The following KLHL4 variants were observed in gnomAD, a reference collection of about 807,000 sequenced individuals.
KLHL4 encodes the protein kelch-like protein 4.
Under a neutral mutation model 45.8 loss-of-function variants are expected in KLHL4, and 17 were observed. The ratio of observed to expected loss-of-function variants is 0.37; its 90% CI spans 0.25 to 0.56. The LOEUF is 0.56. Among genes scored for constraint, KLHL4 ranks in the 20% least tolerant of loss-of-function variants. The pLI, the probability that KLHL4 is intolerant of heterozygous loss-of-function variation, is 0.79. For missense variants in KLHL4, 544 were observed against 544.9 expected (o/e 1.00, Z 0.02); for synonymous variants, 224 against 189.9 (o/e 1.18, Z -1.47).
At chrX:87,573,256 G>T (rs1920996269) in intron 1 of KLHL4, among the ~76,000 whole-genome samples, 1 of 111,239 alleles carries the variant, frequency 9.0e-6, no homozygotes, top group African/African-American at 3.3e-5. Context: ...TACTCCCAGA[G>T]ATTCTAATTC....
intron 4 of KLHL4, 140 bp from the exon 5 acceptor site, chrX:87,622,071 G>T (rs1922768727): frequency 2.2e-6 from 1 of 455,065 alleles, no homozygotes; most frequent in African/African-American, 2.5e-5. Context: ...CAGGTAGCAG[G>T]AGCACCTATT....
Position 87,666,864 on chromosome X carries a change from C to A in KLHL4, c.*330C>A. On this transcript the variant is annotated 3_prime_UTR_variant, in exon 11 of 11. Transcript: ENST00000373119. ...GGCCACAGTGTGCAGGTTATAAAAG[C>A]ATTAATACATTTCAAGGTAAGAGCC... 1.3e-6 allele frequency: 1 copy of A among 746,125 alleles called. No homozygotes were observed. Among genetic ancestry groups the A allele is most frequent in the South Asian group, 7.0e-5 (1 of 14,365 alleles). 61.5% of individuals were successfully genotyped at this position (746,125 alleles called of 1,213,427 possible).
intron 1 of KLHL4, among the ~76,000 whole-genome samples, chrX:87,590,309 C>A: frequency 9.1e-6 from 1 of 109,405 alleles, no homozygotes; most frequent in Admixed American, 9.9e-5. Context: ...CCAAACCCCC[C>A]CAGAAAACGA....
At chrX:87,556,089 T>G (rs1341867211) in intron 1 of KLHL4, among the ~76,000 whole-genome samples, 2 of 111,283 alleles carry the variant, frequency 1.8e-5, no homozygotes, top group Non-Finnish European at 3.8e-5. Context: ...AGAGACAGTT[T>G]GTTATAATTT....
intron 4 of KLHL4, among the ~76,000 whole-genome samples, chrX:87,620,908 A>G (rs1381601902): frequency 8.9e-6 from 1 of 112,658 alleles, no homozygotes; most frequent in Non-Finnish European, 1.9e-5. Flanking sequence ...TAGTTGCACT[A>G]CTATCACCAT....
intron 1 of KLHL4, among the ~76,000 whole-genome samples, chrX:87,582,193 A>G (rs557757334): frequency 5.3e-4 from 59 of 112,037 alleles, no homozygotes; most frequent in African/African-American, 1.9e-3. Flanking sequence ...GTTAATAAGT[A>G]TCTACATAGA....
chrX:87,667,906 G>A lies in KLHL4; in HGVS notation c.*1372G>A. On this transcript the variant is annotated 3_prime_UTR_variant, in exon 11 of 11. Coordinates refer to ENST00000373119, the MANE Select transcript of KLHL4 (RefSeq NM_019117.5). ...AAAGATATTTGTACTTTGACAAACT[G>A]AATTTAAATAAACTTTATTTCCTCT... is the stretch of plus-strand genomic sequence containing the variant. 1.5e-6 allele frequency: 1 copy of A among 687,465 alleles called. No homozygotes were observed. The highest frequency in any genetic ancestry group is 1.7e-6 in the Non-Finnish European group (1 of 578,556). 56.7% of individuals were successfully genotyped at this position (687,465 alleles called of 1,213,427 possible).
intron 5 of KLHL4, among the ~76,000 whole-genome samples, chrX:87,623,786 C>A (rs764735517): frequency 9.0e-6 from 1 of 111,337 alleles, no homozygotes. Context: ...AATTTTAGAT[C>A]CAGGGTTCTA....
intron 8 of KLHL4, among the ~76,000 whole-genome samples, chrX:87,635,046 C>A (rs1175772361): frequency 2.7e-5 from 3 of 111,550 alleles, no homozygotes; most frequent in Non-Finnish European, 5.7e-5. Flanking sequence ...ATATCACTTA[C>A]GAGGGAAAAA....
intron 9 of KLHL4, among the ~76,000 whole-genome samples, chrX:87,637,531 C>G (rs1602457090): frequency 9.0e-6 from 1 of 111,392 alleles, no homozygotes; most frequent in African/African-American, 3.3e-5. Context: ...AACTATTAAG[C>G]CAATCAAGGA....
intron 1 of KLHL4, among the ~76,000 whole-genome samples, chrX:87,545,504 T>G (rs902731259): frequency 4.3e-5 from 3 of 69,386 alleles, no homozygotes; most frequent in Admixed American, 4.9e-4. Flanking sequence ...GACATGATTG[T>G]TAAGTTTCTT....
chrX:87,550,040 T>C (rs891521610), intron 1 of KLHL4, among the ~76,000 whole-genome samples: 4 of 110,576 alleles, frequency 3.6e-5, no homozygotes, highest in African/African-American at 1.3e-4. Context: ...ATAGAGAAGA[T>C]CCAAATAAAT....
chrX:87,559,498 G>T (rs1371515558), intron 1 of KLHL4, among the ~76,000 whole-genome samples: 1 of 111,758 alleles, frequency 8.9e-6, no homozygotes, highest in Non-Finnish European at 1.9e-5. Context: ...ATATCAAGAT[G>T]CTTCCACTAT....
At position 87,517,916 on chromosome X, in the gene KLHL4, A is replaced by C. The variant is rs1930919066; in HGVS notation, c.23A>C (p.Glu8Ala). 3 of 1,205,648 alleles carry C rather than the reference A, an allele frequency of 2.5e-6. No homozygotes were observed. Among genetic ancestry groups the C allele is most frequent in the Non-Finnish European group, 3.4e-6 (3 of 892,804 alleles). The change falls in exon 1 of 11, where the codon GAG becomes GCG. Residue 8 changes from glutamate to alanine, a missense_variant. Coordinates refer to ENST00000373119, the MANE Select transcript of KLHL4 (RefSeq NM_019117.5). Reference protein sequence around the residue: MSVSGKKEFDVKQILRLR... With the variant: MSVSGKKAFDVKQILRLR... ...ACGATGTCAGTGTCTGGCAAGAAAG[A>C]GTTTGATGTGAAACAGATCCTAAGG...
chrX:87,664,508 T>A (rs954148071), intron 9 of KLHL4, among the ~76,000 whole-genome samples: 4 of 111,747 alleles, frequency 3.6e-5, no homozygotes, highest in African/African-American at 9.8e-5. Context: ...TTCCTCAAAG[T>A]TTATCTGAGC....
At chrX:87,641,687 G>A (rs1192679908) in intron 9 of KLHL4, among the ~76,000 whole-genome samples, 1 of 110,952 alleles carries the variant, frequency 9.0e-6, no homozygotes, top group African/African-American at 3.3e-5. Context: ...AACAGACTTG[G>A]GGCTGTTGGG....
At chrX:87,639,767 CAAAT>C (rs1199146034) in intron 9 of KLHL4, among the ~76,000 whole-genome samples, 1 of 109,194 alleles carries the variant, frequency 9.2e-6, no homozygotes, top group Non-Finnish European at 1.9e-5. Context: ...TGAAAGAGCA[CAAAT>C]AGACAATCTA....
intron 1 of KLHL4, among the ~76,000 whole-genome samples, chrX:87,577,695 G>A (rs1569345572): frequency 9.0e-6 from 1 of 111,461 alleles, no homozygotes; most frequent in Non-Finnish European, 1.9e-5. Flanking sequence ...CTGCACATTT[G>A]TTTTCTAAAT....
intron 1 of KLHL4, among the ~76,000 whole-genome samples, chrX:87,535,808 T>C (rs1408449420): frequency 9.0e-6 from 1 of 110,846 alleles, no homozygotes; most frequent in East Asian, 2.9e-4. Context: ...ATTAATAGTT[T>C]AGCACCATCC....
Sources: gnomAD v4.1 joint callset for allele counts (sites outside exome capture counted in the v4.1 genomes callset) on GRCh38, gnomAD v4.1.1 for gene constraint, MANE v1.5 for transcripts, NCBI Gene and HGNC (gene_info 2026-07-23, HGNC 2026-07-21) for gene names.